FOXP1: variants seen among roughly 807,000 people sequenced by gnomAD.
FOXP1 encodes the protein forkhead box protein P1.
A neutral mutation model predicts 98.2 loss-of-function variants in FOXP1; 15 were observed. That is an observed-to-expected ratio of 0.15 (90% CI 0.10 to 0.24). The LOEUF (loss-of-function observed/expected upper bound fraction) is 0.24, where lower values mean the gene tolerates loss of function less well. Ranked by LOEUF, FOXP1 falls within the 10% of genes least tolerant of loss-of-function variation. The probability of loss-of-function intolerance (pLI) is 1.00; values close to 1 mark genes in which losing one functional copy is unlikely to be tolerated. For synonymous variants in FOXP1, 371 were observed against 314.5 expected, an observed-to-expected ratio of 1.18 and a Z score of -1.90; for missense variants, 633 against 848.5, an observed-to-expected ratio of 0.75 and a Z score of 3.15.
At chr3:71,410,129 C>A (rs1262318754) in intron 3 of FOXP1, among the ~76,000 whole-genome samples, 2 of 152,198 alleles carry the variant, frequency 1.3e-5, no homozygotes, top group African/African-American at 4.8e-5. Context: ...AAGAACAGGA[C>A]TTAACCACTC....
chr3:71,000,343 A>C (rs918023466), intron 13 of FOXP1, among the ~76,000 whole-genome samples: 4 of 151,368 alleles, frequency 2.6e-5, no homozygotes, highest in Admixed American at 6.6e-5. Context: ...AATATATCTG[A>C]TTATGTGCAT....
At chr3:71,461,347 C>T (rs536968589) in intron 3 of FOXP1, among the ~76,000 whole-genome samples, 3 of 152,074 alleles carry the variant, frequency 2.0e-5, no homozygotes, top group Non-Finnish European at 4.4e-5. Flanking sequence ...CACAGATCGA[C>T]GAATTACCCA....
chr3:71,218,983 G>T (rs2065152014), intron 5 of FOXP1, among the ~76,000 whole-genome samples: 1 of 152,166 alleles, frequency 6.6e-6, no homozygotes, highest in Non-Finnish European at 1.5e-5. Flanking sequence ...GCCTCAAACT[G>T]AAATTATTTA....
At chr3:71,121,165 T>G (rs1340513846) in intron 6 of FOXP1, among the ~76,000 whole-genome samples, 1 of 151,830 alleles carries the variant, frequency 6.6e-6, no homozygotes, top group Non-Finnish European at 1.5e-5. Context: ...GCGCACCAAC[T>G]ACAGGAGACA....
intron 4 of FOXP1, chr3:71,333,063 T>G (rs993126406): frequency 2.0e-5 from 3 of 152,260 alleles, no homozygotes; most frequent in Admixed American, 1.3e-4. Flanking sequence ...CTAGTGCTTA[T>G]GAACTCTCAA....
At chr3:71,484,127 A>G (rs1248946125) in intron 3 of FOXP1, among the ~76,000 whole-genome samples, 2 of 152,190 alleles carry the variant, frequency 1.3e-5, no homozygotes, top group East Asian at 1.9e-4. Flanking sequence ...CACATACACA[A>G]TAACTTTCTT....
intron 5 of FOXP1, among the ~76,000 whole-genome samples, chr3:71,282,235 C>A (rs939384730): frequency 2.6e-5 from 4 of 152,042 alleles, no homozygotes; most frequent in African/African-American, 9.7e-5. Context: ...CAGTGTTATC[C>A]ATAAAAATTC....
intron 2 of FOXP1, among the ~76,000 whole-genome samples, chr3:71,562,121 T>A (rs2046587793): frequency 1.3e-5 from 2 of 152,128 alleles, no homozygotes; most frequent in African/African-American, 4.8e-5. Context: ...CTCCGAGCTG[T>A]CAAGAAATGG....
At chr3:71,519,784 T>A (rs1029087420) in intron 2 of FOXP1, among the ~76,000 whole-genome samples, 8 of 152,274 alleles carry the variant, frequency 5.3e-5, no homozygotes, top group Non-Finnish European at 1.0e-4. Flanking sequence ...TGTTGTCTGC[T>A]TGCTGCTAAA....
chr3:71,411,840 C>A (rs1246777258), intron 3 of FOXP1, among the ~76,000 whole-genome samples: 1 of 152,220 alleles, frequency 6.6e-6, no homozygotes, highest in Non-Finnish European at 1.5e-5. Flanking sequence ...CATCTCCATA[C>A]ACCTCCATTT....
intron 6 of FOXP1, among the ~76,000 whole-genome samples, chr3:71,124,124 G>C (rs1311728775): frequency 2.9e-5 from 4 of 135,974 alleles, no homozygotes; most frequent in Admixed American, 7.9e-5. Context: ...TAAAATAAAA[G>C]TTAAAGTTAT....
chr3:71,374,079 T>G (rs2079535923), intron 3 of FOXP1, among the ~76,000 whole-genome samples: 2 of 152,284 alleles, frequency 1.3e-5, no homozygotes, highest in South Asian at 2.1e-4. Flanking sequence ...AACTGTTCAA[T>G]TAAGAAAAAA....
chr3:71,278,978 G>T (rs895778548), intron 5 of FOXP1, among the ~76,000 whole-genome samples: 1 of 151,880 alleles, frequency 6.6e-6, no homozygotes, highest in Admixed American at 6.5e-5. Context: ...GATCACCTGA[G>T]GTCAGGAGTT....
chr3:71,021,940 C>T (rs2045500578), intron 11 of FOXP1, among the ~76,000 whole-genome samples: 1 of 152,142 alleles, frequency 6.6e-6, no homozygotes. Context: ...CTTTAAAGCA[C>T]AAACATTTTG....
intron 13 of FOXP1, among the ~76,000 whole-genome samples, chr3:70,990,209 TGTGTAG>T (rs2040394003): frequency 1.3e-5 from 2 of 152,240 alleles, no homozygotes; most frequent in Non-Finnish European, 2.9e-5. Flanking sequence ...TGAAAACTAA[TGTGTAG>T]TATCATACTC....
chr3:71,306,301 C>T (rs147151996), intron 4 of FOXP1, among the ~76,000 whole-genome samples: 103 of 151,640 alleles, frequency 6.8e-4, no homozygotes, highest in Non-Finnish European at 1.2e-3. Flanking sequence ...ACTCGTGGGG[C>T]GGGGGGGAGT....
intron 2 of FOXP1, among the ~76,000 whole-genome samples, chr3:71,527,730 G>C (rs982216611): frequency 6.6e-6 from 1 of 152,058 alleles, no homozygotes; most frequent in African/African-American, 2.4e-5. Flanking sequence ...AAAAAACAAA[G>C]AGAAAAAAAA....
chr3:71,419,859 G>C (rs978683391), intron 3 of FOXP1, among the ~76,000 whole-genome samples: 9 of 151,926 alleles, frequency 5.9e-5, no homozygotes, highest in African/African-American at 2.2e-4. Flanking sequence ...TTGTCGCCCA[G>C]GCTAGAGTGC....
intron 5 of FOXP1, among the ~76,000 whole-genome samples, chr3:71,268,456 G>C (rs113613719): frequency 6.6e-6 from 1 of 152,078 alleles, no homozygotes; most frequent in African/African-American, 2.4e-5. Flanking sequence ...TAATGAAGAA[G>C]CTTCAAAAAC....
Sources: gnomAD v4.1 joint callset for allele counts (sites outside exome capture counted in the v4.1 genomes callset) on GRCh38, gnomAD v4.1.1 for gene constraint, MANE v1.5 for transcripts, NCBI Gene and HGNC (gene_info 2026-07-23, HGNC 2026-07-21) for gene names.